Variants in NXPH1 observed in about 807,000 individuals in gnomAD.
NXPH1 encodes the protein neurexophilin 1, also known as neurexophilin-1.
In NXPH1, 5 loss-of-function variants were observed where a neutral mutation model predicts 23.7. The ratio of observed to expected loss-of-function variants is 0.21; its 90% confidence interval spans 0.11 to 0.44. The LOEUF is 0.44. Among genes scored for constraint, NXPH1 ranks in the 20% least tolerant of loss-of-function variants. NXPH1 has a pLI of 0.99. For synonymous variants in NXPH1, 144 were observed against 122.2 expected, an observed-to-expected ratio of 1.18 and a Z score of -1.18; for missense variants, 324 against 321.6, an observed-to-expected ratio of 1.01 and a Z score of -0.06.
intron 2 of NXPH1, among the ~76,000 whole-genome samples, chr7:8,567,141 T>A (rs751307812): frequency 5.3e-5 from 8 of 152,052 alleles, no homozygotes; most frequent in Non-Finnish European, 1.0e-4. Context: ...ACTGTTAGTT[T>A]GCTTCAAATC....
At chr7:8,649,927 TA>T (rs1820464002) in intron 2 of NXPH1, among the ~76,000 whole-genome samples, 1 of 152,162 alleles carries the variant, frequency 6.6e-6, no homozygotes, top group African/African-American at 2.4e-5. Flanking sequence ...ATCCTCTATA[TA>T]GGTAAAGAAG....
intron 2 of NXPH1, among the ~76,000 whole-genome samples, chr7:8,604,738 T>G (rs532925498): frequency 6.6e-6 from 1 of 152,156 alleles, no homozygotes; most frequent in Non-Finnish European, 1.5e-5. Flanking sequence ...AATATGGTAC[T>G]AGACTACTAG....
intron 2 of NXPH1, among the ~76,000 whole-genome samples, chr7:8,464,474 T>A (rs1816745994): frequency 6.6e-6 from 1 of 152,202 alleles, no homozygotes; most frequent in Admixed American, 6.5e-5. Context: ...CCCACTACAC[T>A]AATTCTTTCA....
At chr7:8,494,799 A>G (rs899879787) in intron 2 of NXPH1, among the ~76,000 whole-genome samples, 3 of 152,034 alleles carry the variant, frequency 2.0e-5, no homozygotes, top group African/African-American at 7.2e-5. Flanking sequence ...ATAGAATACA[A>G]CTCAACTGGT....
rs758880894 is a variant in NXPH1 at position 8,718,192 on chromosome 7, ATAT to A, written c.55-32812_55-32810del. ...GTGACAAAGAGATATTTCTTTGAAC[ATAT>A]TATATGTAAAGCAGGCTTGAACTCA... On this transcript the variant is annotated intron_variant, in intron 2 of 2. Coordinates refer to ENST00000405863, the MANE Select transcript of NXPH1 (RefSeq NM_152745.3). Among the ~76,000 whole-genome samples, 8 of 152,296 alleles carry A rather than the reference ATAT, an allele frequency of 5.3e-5. No homozygotes were observed. In the Middle Eastern group the frequency reaches 0.017, roughly 324 times the overall value.
intron 2 of NXPH1, among the ~76,000 whole-genome samples, chr7:8,600,080 A>T (rs1819323155): frequency 1.3e-5 from 2 of 152,034 alleles, no homozygotes; most frequent in Admixed American, 1.3e-4. Context: ...CTTTCTAAGA[A>T]AATATTTATT....
intron 2 of NXPH1, among the ~76,000 whole-genome samples, chr7:8,461,622 A>G (rs1478860339): frequency 6.6e-6 from 1 of 150,906 alleles, no homozygotes; most frequent in Admixed American, 6.6e-5. Context: ...TGAGGTCAGG[A>G]GATCGAGACC....
intron 2 of NXPH1, among the ~76,000 whole-genome samples, chr7:8,590,913 T>A (rs1819079861): frequency 6.6e-6 from 1 of 152,054 alleles, no homozygotes; most frequent in Admixed American, 6.6e-5. Context: ...AATGGCTTTT[T>A]AAAAAAATTA....
At chr7:8,578,479 A>T (rs1461179188) in intron 2 of NXPH1, among the ~76,000 whole-genome samples, 1 of 152,222 alleles carries the variant, frequency 6.6e-6, no homozygotes, top group Admixed American at 6.5e-5. Context: ...TGCCATAGAT[A>T]ATAGTAGTGA....
chr7:8,690,662 G>A (rs540436262), intron 2 of NXPH1, among the ~76,000 whole-genome samples: 1 of 152,310 alleles, frequency 6.6e-6, no homozygotes, highest in East Asian at 1.9e-4. Context: ...TGGAACAAAG[G>A]AAACTCTATG....
At chr7:8,617,880 T>C (rs1339128949) in intron 2 of NXPH1, among the ~76,000 whole-genome samples, 1 of 152,120 alleles carries the variant, frequency 6.6e-6, no homozygotes, top group Non-Finnish European at 1.5e-5. Flanking sequence ...TCACATTGCA[T>C]GCTTGTGTTA....
At chr7:8,504,204 A>G (rs542965093) in intron 2 of NXPH1, among the ~76,000 whole-genome samples, 1 of 151,946 alleles carries the variant, frequency 6.6e-6, no homozygotes, top group East Asian at 2.0e-4. Flanking sequence ...AGAATGCTAT[A>G]TTTTTCTCTT....
intron 2 of NXPH1, among the ~76,000 whole-genome samples, chr7:8,666,929 G>A (rs551135123): frequency 2.6e-5 from 4 of 151,764 alleles, no homozygotes; most frequent in Non-Finnish European, 4.4e-5. Context: ...CTAGCTAAAG[G>A]CTTGTCAATT....
rs144633246 is a variant in NXPH1 at position 8,724,715 on chromosome 7, A to G, written c.55-26293A>G. 2.6e-5 allele frequency among the ~76,000 whole-genome samples: 4 copies of G among 152,322 alleles called. No individual in the cohort carries two copies. In the East Asian group the frequency reaches 7.7e-4, roughly 29 times the overall value. ...TAAGACTTGGCTCTTTTTGTTACCA[A>G]GGATATTTTTTCTTTTAACTCCAGG... On this transcript the variant is annotated intron_variant, in intron 2 of 2. Transcript: ENST00000405863.
At chr7:8,735,708 A>C (rs1172367164) in intron 2 of NXPH1, among the ~76,000 whole-genome samples, 1 of 152,190 alleles carries the variant, frequency 6.6e-6, no homozygotes, top group African/African-American at 2.4e-5. Context: ...TTTCAGAAGG[A>C]ATGGTACCAG....
At chr7:8,595,506 T>C (rs1390382229) in intron 2 of NXPH1, among the ~76,000 whole-genome samples, 12 of 152,100 alleles carry the variant, frequency 7.9e-5, no homozygotes, top group Admixed American at 7.2e-4. Flanking sequence ...TAATTTAGTT[T>C]ACATAGCGAA....
At chr7:8,734,668 G>T (rs1360396760) in intron 2 of NXPH1, among the ~76,000 whole-genome samples, 7 of 152,186 alleles carry the variant, frequency 4.6e-5, no homozygotes. Flanking sequence ...TGTATATTCT[G>T]TTGATTTGGG....
intron 2 of NXPH1, among the ~76,000 whole-genome samples, chr7:8,516,366 G>C (rs1010518697): frequency 1.3e-5 from 2 of 152,102 alleles, no homozygotes; most frequent in African/African-American, 4.8e-5. Context: ...CAATCAATAA[G>C]AAACCAGTTA....
chr7:8,684,176 T>A (rs1184399471), intron 2 of NXPH1, among the ~76,000 whole-genome samples: 1 of 152,180 alleles, frequency 6.6e-6, no homozygotes, highest in African/African-American at 2.4e-5. Flanking sequence ...TGGGTCTGCC[T>A]TTTCAGGAAG....
Sources: gnomAD v4.1 joint callset for allele counts (sites outside exome capture counted in the v4.1 genomes callset) on GRCh38, gnomAD v4.1.1 for gene constraint, MANE v1.5 for transcripts, NCBI Gene and HGNC (gene_info 2026-07-23, HGNC 2026-07-21) for gene names.